TRERF1: variants seen among roughly 807,000 people sequenced by gnomAD.
TRERF1 encodes transcriptional-regulating factor 1.
Under a neutral mutation model 122.9 loss-of-function variants are expected in TRERF1, and 27 were observed. The ratio of observed to expected loss-of-function variants is 0.22; its 90% confidence interval spans 0.16 to 0.30. TRERF1 has a LOEUF of 0.30. Among genes scored for constraint, TRERF1 ranks in the 10% least tolerant of loss-of-function variants. TRERF1 has a pLI of 1.00. For missense variants in TRERF1, 1,248 were observed against 1,560.3 expected (o/e 0.80, Z 3.37); for synonymous variants, 636 against 641.7 (o/e 0.99, Z 0.13).
intron 2 of TRERF1, among the ~76,000 whole-genome samples, chr6:42,394,770 A>G (rs953541099): frequency 1.1e-4 from 16 of 152,244 alleles, no homozygotes; most frequent in Admixed American, 9.8e-4. Context: ...ATATTAAAAA[A>G]AAACAGATAT....
intron 4 of TRERF1, among the ~76,000 whole-genome samples, chr6:42,283,058 C>T (rs1368020709): frequency 1.3e-5 from 2 of 152,262 alleles, no homozygotes; most frequent in Middle Eastern, 3.4e-3. Context: ...ACAGCCTTCT[C>T]GTGCTGAGAA....
At chr6:42,420,220 T>C (rs1782561918) in intron 2 of TRERF1, among the ~76,000 whole-genome samples, 1 of 152,190 alleles carries the variant, frequency 6.6e-6, no homozygotes, top group African/African-American at 2.4e-5. Flanking sequence ...GTGGAGATAC[T>C]TTCTCAGATC....
At chr6:42,404,977 G>A (rs1296469218) in intron 2 of TRERF1, among the ~76,000 whole-genome samples, 1 of 152,190 alleles carries the variant, frequency 6.6e-6, no homozygotes, top group East Asian at 1.9e-4. Flanking sequence ...ACAGTCAGCA[G>A]ATAGGTCAGT....
upstream of TRERF1, chr6:42,452,137 CTTT>C (rs879092101): frequency 5.8e-5 from 8 of 138,700 alleles, no homozygotes; most frequent in East Asian, 2.1e-4. Flanking sequence ...TCCTCTCGGC[CTTT>C]TTTTTTTTTT....
intron 2 of TRERF1, among the ~76,000 whole-genome samples, chr6:42,444,872 A>C (rs1787186321): frequency 6.6e-6 from 1 of 152,116 alleles, no homozygotes; most frequent in Admixed American, 6.5e-5. Flanking sequence ...GGCTGTCCGC[A>C]GCTCCTCCCT....
intron 3 of TRERF1, among the ~76,000 whole-genome samples, chr6:42,345,450 C>A (rs535858733): frequency 6.6e-6 from 1 of 152,158 alleles, no homozygotes. Flanking sequence ...ACTCACAGAC[C>A]GGCAATGCTG....
chr6:42,341,234 T>G (rs1242145487), intron 3 of TRERF1, among the ~76,000 whole-genome samples: 1 of 152,268 alleles, frequency 6.6e-6, no homozygotes, highest in Non-Finnish European at 1.5e-5. Context: ...CCATCTCATC[T>G]GTAGATTAAT....
At chr6:42,296,292 G>A (rs1462667086) in intron 4 of TRERF1, among the ~76,000 whole-genome samples, 1 of 152,130 alleles carries the variant, frequency 6.6e-6, no homozygotes, top group Non-Finnish European at 1.5e-5. Flanking sequence ...ACATCATAAA[G>A]AGGCTGGGAT....
At chr6:42,417,131 A>C (rs1562169981) in intron 2 of TRERF1, among the ~76,000 whole-genome samples, 2 of 152,248 alleles carry the variant, frequency 1.3e-5, no homozygotes, top group Middle Eastern at 3.4e-3. Context: ...ACAGGTTTGC[A>C]ACAAACCAGA....
intron 8 of TRERF1, among the ~76,000 whole-genome samples, chr6:42,262,364 A>C (rs1367577699): frequency 3.3e-5 from 5 of 151,474 alleles, no homozygotes; most frequent in African/African-American, 1.2e-4. Context: ...AATATGACCC[A>C]ACATGCCACT....
At chr6:42,256,102 G>A (rs1477335448) in intron 12 of TRERF1, among the ~76,000 whole-genome samples, 2 of 143,258 alleles carry the variant, frequency 1.4e-5, no homozygotes, top group South Asian at 4.3e-4. Flanking sequence ...TTGCACTCCA[G>A]CCTGGGCGAT....
At chr6:42,325,521 T>C (rs1228911004) in intron 3 of TRERF1, among the ~76,000 whole-genome samples, 1 of 152,166 alleles carries the variant, frequency 6.6e-6, no homozygotes, top group Non-Finnish European at 1.5e-5. Flanking sequence ...CCATTAACAG[T>C]GGACTGCATA....
At chr6:42,420,355 C>G (rs1438573928) in intron 2 of TRERF1, among the ~76,000 whole-genome samples, 1 of 152,134 alleles carries the variant, frequency 6.6e-6, no homozygotes, top group Non-Finnish European at 1.5e-5. Context: ...GTCCAGGAAC[C>G]TGATAAGAAG....
At chr6:42,407,849 C>G (rs967304890) in intron 2 of TRERF1, among the ~76,000 whole-genome samples, 2 of 151,234 alleles carry the variant, frequency 1.3e-5, no homozygotes, top group Non-Finnish European at 2.9e-5. Flanking sequence ...AGATATTTAC[C>G]AGGTCATCAT....
intron 2 of TRERF1, among the ~76,000 whole-genome samples, chr6:42,419,331 C>T (rs1208161308): frequency 7.0e-6 from 1 of 142,348 alleles, no homozygotes; most frequent in Non-Finnish European, 1.5e-5. Context: ...GTGACCGGTT[C>T]AGATCAACCC....
chr6:42,279,191 C>T (rs1180738463), intron 4 of TRERF1, among the ~76,000 whole-genome samples: 1 of 152,152 alleles, frequency 6.6e-6, no homozygotes, highest in East Asian at 1.9e-4. Flanking sequence ...CCAGGAGGTG[C>T]AGTAGGCAGA....
chr6:42,302,934 G>A (rs1786483395), intron 3 of TRERF1, among the ~76,000 whole-genome samples: 2 of 152,172 alleles, frequency 1.3e-5, no homozygotes, highest in African/African-American at 4.8e-5. Context: ...ACAACATATG[G>A]CCAACTTTTA....
intron 3 of TRERF1, among the ~76,000 whole-genome samples, chr6:42,340,665 A>G (rs529249055): frequency 2.0e-5 from 3 of 152,206 alleles, no homozygotes; most frequent in Admixed American, 2.0e-4. Flanking sequence ...CAGTGGTGCA[A>G]TCATAACTCA....
intron 2 of TRERF1, among the ~76,000 whole-genome samples, chr6:42,407,063 G>A (rs1215026417): frequency 6.6e-6 from 1 of 152,118 alleles, no homozygotes; most frequent in Non-Finnish European, 1.5e-5. Flanking sequence ...CCAAGTAAAG[G>A]AACTCAACAC....
Sources: allele counts gnomAD v4.1 joint callset (sites outside exome capture counted in the v4.1 genomes callset), GRCh38; gene constraint gnomAD v4.1.1; transcripts MANE v1.5; gene names NCBI Gene and HGNC (gene_info 2026-07-23, HGNC 2026-07-21).